The following GRIK1 variants were observed in gnomAD, a reference collection of about 807,000 sequenced individuals.
GRIK1 encodes the protein glutamate ionotropic receptor kainate type subunit 1, also known as glutamate receptor ionotropic, kainate 1.
Under a neutral mutation model 105.7 loss-of-function variants are expected in GRIK1, and 69 were observed. The ratio of observed to expected loss-of-function variants is 0.65; its 90% confidence interval spans 0.54 to 0.80. The LOEUF (loss-of-function observed/expected upper bound fraction) is 0.80. GRIK1 is among the 30% of genes least tolerant of loss of function. GRIK1 has a pLI of 0.00. For missense variants in GRIK1, 1,109 were observed against 1,167.3 expected (o/e 0.95, Z 0.73); for synonymous variants, 438 against 431.3 (o/e 1.02, Z -0.19).
rs2090909236 is a variant in GRIK1 at position 29,576,912 on chromosome 21, A to G, written c.2130+52T>C. 3 of 937,340 alleles carry G rather than the reference A, an allele frequency of 3.2e-6. No individual in the cohort carries two copies. The Admixed American group carries it at 6.4e-5, about 20-fold the overall frequency. The allele number at this position is 937,340 out of a possible 1,614,324, so 58.1% of individuals were successfully genotyped here. On this transcript the variant is annotated intron_variant, in intron 14 of 17. Coordinates refer to ENST00000327783, the MANE Select transcript of GRIK1 (RefSeq NM_001330994.2). ...TTTTTTTTTCGACAGATTCTTTTAT[A>G]CTCTACCACAAGTATCAGATAATCA...
intron 1 of GRIK1, among the ~76,000 whole-genome samples, chr21:29,758,230 G>C (rs537063554): frequency 6.6e-6 from 1 of 152,200 alleles, no homozygotes; most frequent in South Asian, 2.1e-4. Flanking sequence ...CTGCCACAGG[G>C]TGTGTTAGTC....
intron 11 of GRIK1, among the ~76,000 whole-genome samples, chr21:29,587,964 CTTTT>C (rs568648777): frequency 2.6e-4 from 17 of 65,406 alleles, no homozygotes; most frequent in East Asian, 1.2e-3. Context: ...CTTTAAAATT[CTTTT>C]TTTTTTTTTT....
intron 1 of GRIK1, among the ~76,000 whole-genome samples, chr21:29,726,613 T>G (rs1420714687): frequency 6.6e-6 from 1 of 152,096 alleles, no homozygotes; most frequent in Non-Finnish European, 1.5e-5. Flanking sequence ...TAGTTTTATA[T>G]AATTTATTAT....
intron 4 of GRIK1, among the ~76,000 whole-genome samples, chr21:29,659,687 G>A (rs182456667): frequency 5.5e-4 from 83 of 152,284 alleles, no homozygotes; most frequent in African/African-American, 1.7e-3. Context: ...CCGGCCAGGC[G>A]CGGTGGCTCA....
chr21:29,919,274 A>G (rs1308658025), intron 1 of GRIK1, among the ~76,000 whole-genome samples: 1 of 152,156 alleles, frequency 6.6e-6, no homozygotes, highest in Non-Finnish European at 1.5e-5. Context: ...AACTCCTAAA[A>G]GTCCACGGAG....
At chr21:29,572,184 C>T (rs1220356133) in intron 14 of GRIK1, among the ~76,000 whole-genome samples, 1 of 152,148 alleles carries the variant, frequency 6.6e-6, no homozygotes, top group Non-Finnish European at 1.5e-5. Flanking sequence ...TTTTCTTTCC[C>T]TTGTGGAATA....
At chr21:29,826,445 A>G (rs1255361521) in intron 1 of GRIK1, among the ~76,000 whole-genome samples, 1 of 152,120 alleles carries the variant, frequency 6.6e-6, no homozygotes, top group Non-Finnish European at 1.5e-5. Context: ...TATTCTCTAT[A>G]AAGTGGATGA....
intron 1 of GRIK1, among the ~76,000 whole-genome samples, chr21:29,869,078 A>T (rs1459415649): frequency 6.6e-6 from 1 of 152,220 alleles, no homozygotes; most frequent in Non-Finnish European, 1.5e-5. Flanking sequence ...AAGGGAAAAC[A>T]TTGACGTTCA....
chr21:29,760,622 C>T (rs1009154300), intron 1 of GRIK1, among the ~76,000 whole-genome samples: 9 of 152,176 alleles, frequency 5.9e-5, no homozygotes, highest in South Asian at 4.1e-4. Flanking sequence ...GAAGATGCCT[C>T]GGAGATTTTA....
chr21:29,917,028 C>A (rs967815456), intron 1 of GRIK1, among the ~76,000 whole-genome samples: 1 of 151,944 alleles, frequency 6.6e-6, no homozygotes, highest in Non-Finnish European at 1.5e-5. Flanking sequence ...GTGTTTTTCT[C>A]GAAATCAACA....
intron 3 of GRIK1, among the ~76,000 whole-genome samples, chr21:29,683,993 TTC>T (rs1229700844): frequency 6.6e-6 from 1 of 152,218 alleles, no homozygotes; most frequent in South Asian, 2.1e-4. Flanking sequence ...AAACGTTATT[TTC>T]TAGAGCACTT....
At chr21:29,884,428 A>G (rs934828756) in intron 1 of GRIK1, among the ~76,000 whole-genome samples, 6 of 151,954 alleles carry the variant, frequency 3.9e-5, no homozygotes, top group Non-Finnish European at 5.9e-5. Context: ...ATTTTTTTCC[A>G]TATGAGGACT....
chr21:29,677,807 C>T (rs150383233), intron 3 of GRIK1, among the ~76,000 whole-genome samples: 6 of 152,262 alleles, frequency 3.9e-5, no homozygotes, highest in African/African-American at 1.2e-4. Flanking sequence ...TTGTTTGGAT[C>T]GGCCCTGAAA....
intron 1 of GRIK1, among the ~76,000 whole-genome samples, chr21:29,725,759 A>G (rs2064441734): frequency 2.6e-5 from 4 of 152,346 alleles, no homozygotes; most frequent in African/African-American, 4.8e-5. Context: ...TTAGCATAAA[A>G]CCATAAACCA....
rs539832930 is a variant in GRIK1 at position 29,814,921 on chromosome 21, A to G, written c.119-120858T>C. On this transcript the variant is annotated intron_variant, in intron 1 of 17. Coordinates refer to ENST00000327783, the MANE Select transcript of GRIK1 (RefSeq NM_001330994.2). ...GTTTCAAAGCTAGCTTCCATCACTT[A>G]CCCGCCTGTGCAATCTTGACCTGGT... Among the ~76,000 whole-genome samples the G allele has an allele frequency of 8.5e-5, 13 of 152,222 alleles. No homozygotes were observed. In the East Asian group the frequency reaches 2.5e-3, roughly 29 times the overall value.
intron 1 of GRIK1, among the ~76,000 whole-genome samples, chr21:29,849,585 A>G (rs1339802923): frequency 6.6e-6 from 1 of 152,162 alleles, no homozygotes; most frequent in Admixed American, 6.5e-5. Context: ...AGGAAGGAGG[A>G]AAGGCCAATA....
At chr21:29,651,844 A>C (rs533005412) in intron 5 of GRIK1, among the ~76,000 whole-genome samples, 14 of 151,864 alleles carry the variant, frequency 9.2e-5, no homozygotes, top group African/African-American at 3.4e-4. Flanking sequence ...TACCCATTGG[A>C]TAAAGGGGAG....
Position 29,554,802 on chromosome 21 carries a change from G to T in GRIK1, c.2607+250C>A, listed in dbSNP as rs561329822. On this transcript the variant is annotated intron_variant, in intron 16 of 17. Coordinates refer to ENST00000327783, the MANE Select transcript of GRIK1 (RefSeq NM_001330994.2). Reference sequence around the variant, plus strand: ...AAAATTAACTGAGTTTGGAATTTCTGCACTGTCTTTCCAAATAATGCTAAT... The same window carrying T: ...AAAATTAACTGAGTTTGGAATTTCTTCACTGTCTTTCCAAATAATGCTAAT... Among the ~76,000 whole-genome samples the T allele has an allele frequency of 3.3e-5, 5 of 152,186 alleles. No homozygotes were observed. The South Asian group carries it at 1.0e-3, about 32-fold the overall frequency.
At chr21:29,830,467 TC>T (rs2145961684) in intron 1 of GRIK1, among the ~76,000 whole-genome samples, 1 of 152,274 alleles carries the variant, frequency 6.6e-6, no homozygotes, top group East Asian at 1.9e-4. Flanking sequence ...TCCTTTAATT[TC>T]TGTTCTGTTT....
Sources: allele counts gnomAD v4.1 joint callset (sites outside exome capture counted in the v4.1 genomes callset), GRCh38; gene constraint gnomAD v4.1.1; transcripts MANE v1.5; gene names NCBI Gene and HGNC (gene_info 2026-07-23, HGNC 2026-07-21).